Variants in KLF8 observed in about 807,000 individuals in gnomAD.
KLF8 encodes the protein KLF transcription factor 8.
In KLF8, 10 loss-of-function variants were observed where a neutral mutation model predicts 18.2. That is an observed-to-expected ratio of 0.55 (90% CI 0.34 to 0.93). The LOEUF is 0.93. Among genes scored for constraint, KLF8 ranks in the 40% least tolerant of loss-of-function variants. KLF8 has a pLI of 0.02. For missense variants in KLF8, 264 were observed against 277.9 expected, an observed-to-expected ratio of 0.95 and a Z score of 0.36; for synonymous variants, 109 against 97.3, an observed-to-expected ratio of 1.12 and a Z score of -0.71.
At chrX:56,173,396 A>T in the KLF8 span, among the ~76,000 whole-genome samples, 1 of 111,721 alleles carries the variant, frequency 9.0e-6, no homozygotes, top group African/African-American at 3.3e-5. Context: ...TTTCTCAAAG[A>T]TCAGATAGTG....
the KLF8 span, among the ~76,000 whole-genome samples, chrX:56,202,627 G>A: frequency 2.8e-4 from 26 of 92,298 alleles, no homozygotes; most frequent in South Asian, 1.2e-3. Context: ...TACTCTCTGT[G>A]TCTATGAGTT....
At chrX:55,953,246 G>A in the KLF8 span, among the ~76,000 whole-genome samples, 2 of 111,311 alleles carry the variant, frequency 1.8e-5, no homozygotes, top group Middle Eastern at 4.6e-3. Flanking sequence ...AGTGGTAAGT[G>A]CTGCAAGGCA....
the KLF8 span, among the ~76,000 whole-genome samples, chrX:56,048,137 G>A: frequency 9.0e-6 from 1 of 111,495 alleles, no homozygotes; most frequent in Non-Finnish European, 1.9e-5. Context: ...TTGTAAATTT[G>A]TTTGAGTTCA....
chrX:56,266,924 G>T (rs1313158036), intron 3 of KLF8: 1 of 751,198 alleles, frequency 1.3e-6, no homozygotes, highest in Non-Finnish European at 1.6e-6. Flanking sequence ...TTATTGACTA[G>T]TGGTTAATTG....
chrX:56,160,997 C>A, the KLF8 span, among the ~76,000 whole-genome samples: 1 of 111,447 alleles, frequency 9.0e-6, no homozygotes, highest in East Asian at 2.8e-4. Context: ...ATGGTCTTTA[C>A]AATTTGGCAT....
chrX:56,253,261 G>T (rs1354601063), intron 2 of KLF8, among the ~76,000 whole-genome samples: 1 of 111,674 alleles, frequency 9.0e-6, no homozygotes, highest in Non-Finnish European at 1.9e-5. Flanking sequence ...GTGTTTGTGG[G>T]GTATTGCTCA....
chrX:56,195,196 T>A, the KLF8 span, among the ~76,000 whole-genome samples: 1 of 112,302 alleles, frequency 8.9e-6, no homozygotes, highest in Non-Finnish European at 1.9e-5. Flanking sequence ...TCACAGCTCC[T>A]CAACAGCAAC....
the KLF8 span, among the ~76,000 whole-genome samples, chrX:56,057,144 G>C: frequency 7.2e-5 from 8 of 111,834 alleles, no homozygotes; most frequent in African/African-American, 2.0e-4. Context: ...GGTGGTGTTG[G>C]CATGGGGTTG....
At chrX:56,163,643 A>T in the KLF8 span, among the ~76,000 whole-genome samples, 1 of 111,805 alleles carries the variant, frequency 8.9e-6, no homozygotes, top group Non-Finnish European at 1.9e-5. Flanking sequence ...GCTTTCAGGA[A>T]TTATAGTTCT....
At chrX:55,908,391 G>T in the KLF8 span, 2 of 294,079 alleles carry the variant, frequency 6.8e-6, no homozygotes, top group Non-Finnish European at 1.2e-5. Context: ...AGGGGCTGGT[G>T]ATTGACAGAA....
At chrX:56,083,783 C>A in the KLF8 span, among the ~76,000 whole-genome samples, 1 of 110,987 alleles carries the variant, frequency 9.0e-6, no homozygotes, top group Non-Finnish European at 1.9e-5. Flanking sequence ...GAGTGTGTAC[C>A]CTATTGTGAA....
chrX:56,054,890 G>GTAAC, the KLF8 span, among the ~76,000 whole-genome samples: 1 of 111,848 alleles, frequency 8.9e-6, no homozygotes, highest in East Asian at 2.8e-4. Flanking sequence ...TTTGCCTGAA[G>GTAAC]TTAGGATTAC....
chrX:56,084,634 C>A, the KLF8 span, among the ~76,000 whole-genome samples: 6 of 111,690 alleles, frequency 5.4e-5, no homozygotes, highest in Non-Finnish European at 1.1e-4. Flanking sequence ...TTTAGACAAT[C>A]CATCTCCTCG....
chrX:56,186,365 G>A, the KLF8 span, among the ~76,000 whole-genome samples: 2 of 111,852 alleles, frequency 1.8e-5, no homozygotes, highest in African/African-American at 6.5e-5. Flanking sequence ...GGAGGACCTA[G>A]ATTCATAAAG....
At chrX:56,214,275 G>A in the KLF8 span, among the ~76,000 whole-genome samples, 3 of 112,103 alleles carry the variant, frequency 2.7e-5, no homozygotes, top group Non-Finnish European at 5.6e-5. Flanking sequence ...AGGCTTGAGG[G>A]TGGGGCCCTT....
the KLF8 span, among the ~76,000 whole-genome samples, chrX:56,162,465 A>G: frequency 8.9e-6 from 1 of 111,833 alleles, no homozygotes; most frequent in Admixed American, 9.5e-5. Flanking sequence ...AGCCTCGGCA[A>G]TGCCGGGAAC....
chrX:56,146,845 G>T, the KLF8 span, among the ~76,000 whole-genome samples: 3 of 111,999 alleles, frequency 2.7e-5, no homozygotes, highest in Non-Finnish European at 5.6e-5. Context: ...TGTGAAAAAG[G>T]TTTAAAACAC....
chrX:56,174,750 A>G, the KLF8 span, among the ~76,000 whole-genome samples: 1 of 111,421 alleles, frequency 9.0e-6, no homozygotes, highest in African/African-American at 3.3e-5. Flanking sequence ...TTGCTAGGCT[A>G]TTAATTATTG....
the KLF8 span, among the ~76,000 whole-genome samples, chrX:56,006,725 A>G: frequency 4.1e-4 from 46 of 112,522 alleles, no homozygotes; most frequent in African/African-American, 1.5e-3. Context: ...GTATCTTAGT[A>G]TATTCCAGAT....
Sources: allele counts gnomAD v4.1 joint callset (sites outside exome capture counted in the v4.1 genomes callset), GRCh38; gene constraint gnomAD v4.1.1; transcripts MANE v1.5; gene names NCBI Gene and HGNC (gene_info 2026-07-23, HGNC 2026-07-21).